The following RALGAPA1 variants were observed in gnomAD, a reference collection of about 807,000 sequenced individuals.
RALGAPA1 encodes the protein Ral GTPase activating protein catalytic subunit alpha 1, also known as ral GTPase-activating protein subunit alpha-1.
A neutral mutation model predicts 269.6 loss-of-function variants in RALGAPA1; 52 were observed. The observed-to-expected ratio is 0.19, with a 90% CI of 0.15 to 0.24. RALGAPA1 has a LOEUF of 0.24. Among genes scored for constraint, RALGAPA1 ranks in the 10% least tolerant of loss-of-function variants. The pLI, the probability that RALGAPA1 is intolerant of heterozygous loss-of-function variation, is 1.00. For synonymous variants in RALGAPA1, 817 were observed against 1,008.3 expected (o/e 0.81, Z 3.60); for missense variants, 1,917 against 3,013.9 (o/e 0.64, Z 8.52).
chr14:35,618,455 G>A (rs2060396991), intron 35 of RALGAPA1, among the ~76,000 whole-genome samples: 1 of 152,072 alleles, frequency 6.6e-6, no homozygotes, highest in South Asian at 2.1e-4. Context: ...AGAAAACAGG[G>A]TACTTTTTCA....
chr14:35,642,226 A>T (rs1291127121), intron 31 of RALGAPA1, among the ~76,000 whole-genome samples: 1 of 152,236 alleles, frequency 6.6e-6, no homozygotes, highest in Non-Finnish European at 1.5e-5. Flanking sequence ...CAGGCAACCA[A>T]AACAAAAATG....
rs115217329 is a variant in RALGAPA1, at chr14:35,570,903, C to T, written c.7369-159G>A. ...AATTCAATTCTTTTCTGTGATGGGT[C>T]ACTCATACTAGGACAATAAAAATGT... On this transcript the variant is annotated intron_variant, in intron 38 of 41. Transcript: ENST00000680220. Among the ~76,000 whole-genome samples the T allele has an allele frequency of 4.3e-3, 659 of 152,270 alleles. 7 individuals carry two copies. Among genetic ancestry groups the T allele is most frequent in the African/African-American group, 0.015 (634 of 41,560 alleles).
At chr14:35,744,272 G>A (rs1318962316) in intron 10 of RALGAPA1, among the ~76,000 whole-genome samples, 1 of 151,402 alleles carries the variant, frequency 6.6e-6, no homozygotes, top group East Asian at 1.9e-4. Context: ...TTGAGAGGCT[G>A]AGGCAGGAGA....
At chr14:35,704,641 T>C (rs907296987) in intron 16 of RALGAPA1, among the ~76,000 whole-genome samples, 2 of 152,154 alleles carry the variant, frequency 1.3e-5, no homozygotes, top group South Asian at 2.1e-4. Flanking sequence ...ACTATACTAG[T>C]GTCTTCATGA....
At chr14:35,639,336 G>A (rs1392022441) in intron 31 of RALGAPA1, among the ~76,000 whole-genome samples, 2 of 152,134 alleles carry the variant, frequency 1.3e-5, no homozygotes, top group Admixed American at 6.5e-5. Context: ...AATAGCTGAA[G>A]ACTTAAACAC....
chr14:35,723,403 T>G (rs895535659), intron 14 of RALGAPA1, 139 bp from the exon 15 acceptor site: 1 of 537,548 alleles, frequency 1.9e-6, no homozygotes. Context: ...ATAATACTAC[T>G]TGTAAAAGCA....
intron 36 of RALGAPA1, among the ~76,000 whole-genome samples, chr14:35,597,985 G>A (rs541710537): frequency 5.5e-4 from 84 of 152,200 alleles, no homozygotes; most frequent in African/African-American, 1.8e-3. Flanking sequence ...TGAAAATAAC[G>A]TATATTCTGC....
chr14:35,705,657 C>T (rs2140723345), intron 16 of RALGAPA1, among the ~76,000 whole-genome samples: 1 of 152,264 alleles, frequency 6.6e-6, no homozygotes, highest in South Asian at 2.1e-4. Context: ...GACATGTTTT[C>T]AACTAATATA....
chr14:35,746,563 T>C (rs1311741549), intron 10 of RALGAPA1, among the ~76,000 whole-genome samples: 2 of 152,098 alleles, frequency 1.3e-5, no homozygotes, highest in Non-Finnish European at 2.9e-5. Flanking sequence ...CTCAATAAAG[T>C]TGGGAAAACC....
chr14:35,756,713 A>G (rs1338324687), intron 7 of RALGAPA1, 80 bp downstream of exon 7: 1 of 1,021,534 alleles, frequency 9.8e-7, no homozygotes, highest in Non-Finnish European at 1.4e-6. Context: ...CTACTATGAC[A>G]GAATAATGGT....
chr14:35,619,465 A>G (rs1193267970), intron 35 of RALGAPA1, among the ~76,000 whole-genome samples: 1 of 152,206 alleles, frequency 6.6e-6, no homozygotes, highest in East Asian at 1.9e-4. Context: ...AAACAAATTC[A>G]AAAGCTAGCA....
intron 37 of RALGAPA1, among the ~76,000 whole-genome samples, chr14:35,590,555 C>G (rs1371890606): frequency 6.6e-6 from 1 of 152,188 alleles, no homozygotes; most frequent in African/African-American, 2.4e-5. Flanking sequence ...TTCACATGCT[C>G]ACACTCCGTG....
chr14:35,683,024 C>T (rs1214250797), intron 21 of RALGAPA1, among the ~76,000 whole-genome samples: 2 of 152,182 alleles, frequency 1.3e-5, no homozygotes, highest in Non-Finnish European at 2.9e-5. Context: ...CTGCGCCAGT[C>T]TTGCAAGTTC....
At chr14:35,546,313 T>C (rs1472907292) in intron 41 of RALGAPA1, among the ~76,000 whole-genome samples, 1 of 152,100 alleles carries the variant, frequency 6.6e-6, no homozygotes, top group Non-Finnish European at 1.5e-5. Context: ...AAGTGGGCTT[T>C]AGATAATCTT....
chr14:35,679,247 T>C (rs1261967631), intron 21 of RALGAPA1, among the ~76,000 whole-genome samples: 12 of 152,338 alleles, frequency 7.9e-5, no homozygotes, highest in African/African-American at 2.9e-4. Flanking sequence ...AAAATATCAA[T>C]ATTCTGAACT....
At chr14:35,804,739 G>T (rs2077231946) in intron 1 of RALGAPA1, among the ~76,000 whole-genome samples, 1 of 151,740 alleles carries the variant, frequency 6.6e-6, no homozygotes, top group Non-Finnish European at 1.5e-5. Context: ...CTTGCAACCA[G>T]CCTGGGCAAC....
intron 12 of RALGAPA1, among the ~76,000 whole-genome samples, chr14:35,729,443 C>T (rs899598531): frequency 1.3e-5 from 2 of 151,666 alleles, no homozygotes; most frequent in African/African-American, 4.8e-5. Flanking sequence ...TTGAGAAATA[C>T]CACAAAAAGC....
At chr14:35,705,357 C>T (rs1401964897) in intron 16 of RALGAPA1, among the ~76,000 whole-genome samples, 1 of 152,048 alleles carries the variant, frequency 6.6e-6, no homozygotes, top group Non-Finnish European at 1.5e-5. Context: ...TTCCTAGTGC[C>T]TGGAAACCAG....
chr14:35,545,950 A>G (rs896824224), intron 41 of RALGAPA1, among the ~76,000 whole-genome samples: 3 of 152,140 alleles, frequency 2.0e-5, no homozygotes, highest in Non-Finnish European at 4.4e-5. Flanking sequence ...AAAACTTTTG[A>G]TATTTTCCAC....
Sources: gnomAD v4.1 joint callset for allele counts (sites outside exome capture counted in the v4.1 genomes callset) on GRCh38, gnomAD v4.1.1 for gene constraint, MANE v1.5 for transcripts, NCBI Gene and HGNC (gene_info 2026-07-23, HGNC 2026-07-21) for gene names.